Variants in HLA-DQA2 observed in about 807,000 individuals in gnomAD.
The protein encoded by HLA-DQA2 is HLA class II histocompatibility antigen, DQ alpha 2 chain.
In HLA-DQA2, 17 loss-of-function variants were observed where a neutral mutation model predicts 21.0. The observed-to-expected ratio is 0.81, with a 90% CI of 0.56 to 1.22. HLA-DQA2 has a LOEUF of 1.22. HLA-DQA2 is among the 50% of genes most tolerant of loss of function. The pLI is 0.00. For synonymous variants in HLA-DQA2, 81 were observed against 116.5 expected (o/e 0.70, Z 1.96); for missense variants, 239 against 308.8 (o/e 0.77, Z 1.69).
Position 32,746,989 on chromosome 6 carries a change from C to T in HLA-DQA2, c.*428C>T, listed in dbSNP as rs138695970. On this transcript the variant is annotated 3_prime_UTR_variant, in exon 5 of 5. Coordinates refer to ENST00000374940, the MANE Select transcript of HLA-DQA2 (RefSeq NM_020056.5). ...TGTTTTAGGCCAATTTCATATCATTCCCCAGATCATATTTCAAGTCCAGTA... is the reference window on the plus strand; with the variant it reads ...TGTTTTAGGCCAATTTCATATCATTTCCCAGATCATATTTCAAGTCCAGTA... 373 of 263,076 alleles carry T rather than the reference C, an allele frequency of 1.4e-3. 2 individuals are homozygous for T. Among genetic ancestry groups the T allele is most frequent in the African/African-American group, 5.2e-3 (232 of 44,374 alleles). 16.3% of individuals were successfully genotyped at this position (263,076 alleles called of 1,614,324 possible). A position where few individuals can be genotyped will look rare whatever the true frequency, so the allele number is the denominator to read the frequency against.
intron 1 of HLA-DQA2, among the ~76,000 whole-genome samples, chr6:32,742,370 A>C (rs527908650): frequency 7.5e-5 from 11 of 146,886 alleles, no homozygotes; most frequent in Non-Finnish European, 1.5e-4. Context: ...ATGAAGTCTT[A>C]TAAAGAGAAA....
rs545578631 is a variant in HLA-DQA2, at chr6:32,746,362, G to C, written c.736G>C (p.Val246Leu). 4.7e-5 allele frequency: 76 copies of C among 1,612,984 alleles called. 1 individual carries two copies. In the South Asian group the frequency reaches 8.3e-4, roughly 18 times the overall value. ...CTTCATCATCCAAGGCCTGCGTTCA[G>C]TTGGTGCTTCCAGACACCAAGGGCT... ...TVFIIQGLRS[V>L]GASRHQGLL The change falls in exon 4 of 5, where the codon GTT becomes CTT. Residue 246 changes from valine (V) to leucine (L), a missense_variant. Transcript: ENST00000374940.
Position 32,745,963 on chromosome 6 carries a change from T to A in HLA-DQA2, c.504T>A (p.Asp168Glu). ...VSETSFLSKS[D>E]HSFFKISYLT... ...AGACCAGCTTCCTCTCCAAGAGTGA[T>A]CATTCCTTCTTCAAGATCAGTTACC... Residue 168 changes from aspartate (D) to glutamate (E), a missense_variant, in exon 3 of 5, where the codon GAT becomes GAA. Transcript: ENST00000374940. The A allele has an allele frequency of 6.2e-7, 1 of 1,613,156 alleles. No homozygotes were observed.
chr6:32,741,435 G>C lies in HLA-DQA2; in HGVS notation c.-9G>C, dbSNP rs371900898. 8 of 1,613,124 alleles carry C rather than the reference G, an allele frequency of 5.0e-6. No homozygotes were observed. The African/African-American group carries it at 6.7e-5, about 13-fold the overall frequency. On this transcript the variant is annotated 5_prime_UTR_variant, in exon 1 of 5. Coordinates refer to ENST00000374940, the MANE Select transcript of HLA-DQA2 (RefSeq NM_020056.5). ...GAGCAGCAACTGCTGAGGCTGCCTT[G>C]GGAAGAAGATGATCCTAAACAAAGC... is the stretch of plus-strand genomic sequence containing the variant.
At position 32,745,146 on chromosome 6, in the gene HLA-DQA2, C is replaced by T. The variant is rs1053851767; in HGVS notation, c.83-13C>T. 4.3e-6 allele frequency: 7 copies of T among 1,611,004 alleles called. No homozygotes were observed. In the South Asian group the frequency reaches 5.5e-5, roughly 13 times the overall value. ...TGTGTTCCACCCTCCTGCTTGTCACCTTCACTCGTCAGCTGACCATGTTGC... is the reference window on the plus strand; with the variant it reads ...TGTGTTCCACCCTCCTGCTTGTCACTTTCACTCGTCAGCTGACCATGTTGC... On this transcript the variant is annotated splice_polypyrimidine_tract_variant and intron_variant, in intron 1 of 4. Coordinates refer to ENST00000374940, the MANE Select transcript of HLA-DQA2 (RefSeq NM_020056.5).
At chr6:32,745,007 G>A in intron 1 of HLA-DQA2, 152 bp from the exon 2 acceptor site, 1 of 849,448 alleles carries the variant, frequency 1.2e-6, no homozygotes, top group Non-Finnish European at 1.8e-6. Context: ...CCAACGTTAG[G>A]CAAGGAGGAA....
At position 32,746,398 on chromosome 6, in the gene HLA-DQA2, C is replaced by T. The variant is rs2071799; in HGVS notation, c.*4C>T. 765,728 of 1,598,178 alleles carry T rather than the reference C, an allele frequency of 0.48. 172,970 individuals are homozygous for T. The highest frequency in any genetic ancestry group is 0.66 in the East Asian group (28,901 of 43,752). On this transcript the variant is annotated 3_prime_UTR_variant, in exon 4 of 5. Transcript: ENST00000374940. ...CAGACACCAAGGGCTCTTATGAATC[C>T]CATCCTGAAAAGGAAGGTAAGATTG...
At chr6:32,743,769 G>C (rs537289685) in intron 1 of HLA-DQA2, among the ~76,000 whole-genome samples, 36 of 152,310 alleles carry the variant, frequency 2.4e-4, no homozygotes, top group African/African-American at 8.7e-4. Context: ...AGTCATGCTG[G>C]GTAGGGAAGA....
intron 1 of HLA-DQA2, 114 bp downstream of exon 1, chr6:32,741,639 T>C: frequency 1.0e-6 from 1 of 998,220 alleles, no homozygotes; most frequent in Non-Finnish European, 1.5e-6. Flanking sequence ...CTTTTCAATA[T>C]TAAGAAATTT....
intron 1 of HLA-DQA2, among the ~76,000 whole-genome samples, chr6:32,743,787 C>T (rs1763376201): frequency 6.6e-6 from 1 of 152,144 alleles, no homozygotes; most frequent in South Asian, 2.1e-4. Context: ...AGAAGGTGAG[C>T]TGGAGGAGGA....
intron 1 of HLA-DQA2, among the ~76,000 whole-genome samples, chr6:32,743,761 T>C (rs974258455): frequency 4.6e-5 from 7 of 152,036 alleles, no homozygotes; most frequent in Non-Finnish European, 1.0e-4. Context: ...ACCAGGGCAG[T>C]CATGCTGGGT....
At position 32,746,905 on chromosome 6, in the gene HLA-DQA2, T is replaced by C. The variant is rs1763642463; in HGVS notation, c.*344T>C. On this transcript the variant is annotated 3_prime_UTR_variant, in exon 5 of 5. Coordinates refer to ENST00000374940, the MANE Select transcript of HLA-DQA2 (RefSeq NM_020056.5). ...TTCCCTTTTGATGCCTCTATTGAAT[T>C]TTTCCCATCTTTCATCTCAGGGCTG... 3.8e-5 allele frequency: 13 copies of C among 340,040 alleles called. No homozygotes were observed. The highest frequency in any genetic ancestry group is 3.2e-4 in the South Asian group (13 of 41,108). The allele number at this position is 340,040 out of a possible 1,614,324, so 21.1% of individuals were successfully genotyped here. A position where few individuals can be genotyped will look rare whatever the true frequency, so the allele number is the denominator to read the frequency against.
At position 32,745,203 on chromosome 6, in the gene HLA-DQA2, G is replaced by C. The variant is rs1318007333; in HGVS notation, c.127G>C (p.Gly43Arg). Reference protein sequence around the residue: ...SYGVNFYQSHGPSGQYTHEFD... With the variant: ...SYGVNFYQSHRPSGQYTHEFD... ...TGGTGTGAACTTCTACCAGTCTCAC[G>C]GTCCCTCTGGCCAGTACACCCATGA... Residue 43 changes from glycine (G) to arginine (R), a missense_variant, in exon 2 of 5, where the codon GGT (glycine) becomes CGT (arginine). Transcript: ENST00000374940. 1 of 1,614,050 alleles carries C rather than the reference G, an allele frequency of 6.2e-7. No homozygotes were observed. The highest frequency in any genetic ancestry group is 8.5e-7 in the Non-Finnish European group (1 of 1,179,968).
At position 32,746,017 on chromosome 6, in the gene HLA-DQA2, T is replaced by A; in HGVS notation, c.558T>A (p.Ile186=). The change falls in exon 3 of 5, where the codon ATT becomes ATA. Residue 186 remains isoleucine (I), a synonymous_variant. Transcript: ENST00000374940. ...YLTFLPSADE[I]YDCKVEHWGL... ...CCTTCCTCCCTTCTGCTGATGAGAT[T>A]TATGACTGCAAGGTGGAGCACTGGG... The A allele has an allele frequency of 6.2e-7, 1 of 1,612,680 alleles. No homozygotes were observed. Among genetic ancestry groups the A allele is most frequent in the Non-Finnish European group, 8.5e-7 (1 of 1,179,950 alleles).
chr6:32,743,020 T>C (rs9276419), intron 1 of HLA-DQA2, among the ~76,000 whole-genome samples: 72,900 of 134,862 alleles, frequency 0.54, 20,913 homozygotes, highest in East Asian at 0.84. Flanking sequence ...CGCCCGCCAC[T>C]GTGCACGGCT....
chr6:32,745,461 T>C, intron 2 of HLA-DQA2, 54 bp downstream of exon 2: 1 of 1,565,140 alleles, frequency 6.4e-7, no homozygotes, highest in Non-Finnish European at 8.8e-7. Flanking sequence ...TCATACCAAG[T>C]TTTACTCCCT....
At chr6:32,743,796 G>C (rs1437889905) in intron 1 of HLA-DQA2, among the ~76,000 whole-genome samples, 1 of 152,090 alleles carries the variant, frequency 6.6e-6, no homozygotes, top group Non-Finnish European at 1.5e-5. Flanking sequence ...GCTGGAGGAG[G>C]AAAAGACAAA....
chr6:32,746,300 T>G lies in HLA-DQA2; in HGVS notation c.674T>G (p.Leu225Trp). Residue 225 changes from leucine to tryptophan, a missense_variant, in exon 4 of 5, where the codon TTG becomes TGG. Physicochemically the swap from Leu to Trp is moderately conservative, Grantham distance 61. Transcript: ENST00000374940. ...GAGACTTTGGTCTGCGCCCTGGGGT[T>G]GTCTGTGGGCCTCATGGGCATTGTG... ...LTETLVCALGLSVGLMGIVVG... is the reference protein window; with the variant it reads ...LTETLVCALGWSVGLMGIVVG... 3 of 1,613,138 alleles carry G rather than the reference T, an allele frequency of 1.9e-6. No individual in the cohort carries two copies. Among genetic ancestry groups the G allele is most frequent in the Non-Finnish European group, 2.5e-6 (3 of 1,180,048 alleles).
At chr6:32,742,667 C>A (rs1223192486) in intron 1 of HLA-DQA2, among the ~76,000 whole-genome samples, 1 of 152,174 alleles carries the variant, frequency 6.6e-6, no homozygotes, top group Non-Finnish European at 1.5e-5. Context: ...TCACCTGCTT[C>A]TCCAGAGCAC....
Sources: allele counts gnomAD v4.1 joint callset (sites outside exome capture counted in the v4.1 genomes callset), GRCh38; gene constraint gnomAD v4.1.1; transcripts MANE v1.5; gene names NCBI Gene and HGNC (gene_info 2026-07-23, HGNC 2026-07-21).